The following PAICS variants were observed in gnomAD, a reference collection of about 807,000 sequenced individuals.
PAICS encodes phosphoribosylaminoimidazole carboxylase and phosphoribosylaminoimidazolesuccinocarboxamide synthase, also known as bifunctional phosphoribosylaminoimidazole carboxylase/phosphoribosylaminoimidazole succinocarboxamide synthetase.
A neutral mutation model predicts 53.7 loss-of-function variants in PAICS; 33 were observed. The ratio of observed to expected loss-of-function variants is 0.61; its 90% CI spans 0.47 to 0.82. The LOEUF (loss-of-function observed/expected upper bound fraction) is 0.82, where lower values mean the gene tolerates loss of function less well. PAICS is among the 40% of genes least tolerant of loss of function. The probability of loss-of-function intolerance (pLI) is 0.00; values close to 1 mark genes in which losing one functional copy is unlikely to be tolerated. For missense variants in PAICS, 394 were observed against 494.1 expected, an observed-to-expected ratio of 0.80 and a Z score of 1.92; for synonymous variants, 141 against 167.2, an observed-to-expected ratio of 0.84 and a Z score of 1.21.
chr4:56,411,862 AG>A, the PAICS span, among the ~76,000 whole-genome samples: 2 of 152,236 alleles, frequency 1.3e-5, no homozygotes, highest in Non-Finnish European at 2.9e-5. Flanking sequence ...AACTTAAGTT[AG>A]CTATTTTTCA....
rs1560660262 is a variant in PAICS at position 56,446,755 on chromosome 4, A to G, written c.275A>G (p.Glu92Gly). The stretch of plus-strand genomic sequence containing the variant: ...ACAGCTTTCATTGCACCGCAGTGTG[A>G]AATGATTCCAATTGAATGGGTTTGC... ...GETAFIAPQC[E>G]MIPIEWVCRR... The change falls in exon 3 of 9, where the codon GAA (glutamate) becomes GGA (glycine). Residue 92 changes from glutamate to glycine, a missense_variant. Coordinates refer to ENST00000512576, the MANE Select transcript of PAICS (RefSeq NM_001079524.2). 6.2e-7 allele frequency: 1 copy of G among 1,606,172 alleles called. No homozygotes were observed. Among genetic ancestry groups the G allele is most frequent in the East Asian group, 2.2e-5 (1 of 44,796 alleles).
intron 6 of PAICS, 37 bp downstream of exon 6, chr4:56,450,739 T>A: frequency 2.1e-6 from 2 of 968,886 alleles, no homozygotes; most frequent in Non-Finnish European, 1.6e-6. Context: ...GTATTATGTG[T>A]TTTTCTTCTA....
intron 5 of PAICS, among the ~76,000 whole-genome samples, chr4:56,450,103 T>C (rs1300176877): frequency 6.6e-6 from 1 of 151,954 alleles, no homozygotes; most frequent in Non-Finnish European, 1.5e-5. Context: ...TTCTCACTCA[T>C]AAGTGGGAGT....
At chr4:56,435,262 C>A (rs1717839576), upstream of PAICS, 6 of 1,576,032 alleles carry the variant, frequency 3.8e-6, no homozygotes, top group Non-Finnish European at 5.2e-6. Context: ...CCTCCCGGGC[C>A]CTCGGGCGCT....
chr4:56,441,627 T>G (rs1718345166), intron 1 of PAICS, 36 bp from the exon 2 acceptor site: 2 of 1,027,448 alleles, frequency 1.9e-6, no homozygotes, highest in Non-Finnish European at 2.8e-6. Context: ...TCAGGAAGTT[T>G]CTGAATTTTG....
In PAICS at chr4:56,458,329, G is replaced by A. The variant is rs111865601; in HGVS notation, c.1112-1043G>A. ...TTAAGCTATTCTTTTACCAGAAAGG[G>A]AGTCCTGGGCAGGAGGCACAGGTTA... is the stretch of plus-strand genomic sequence containing the variant. On this transcript the variant is annotated intron_variant, in intron 8 of 8. Transcript: ENST00000512576. Among the ~76,000 whole-genome samples, 272 of 151,822 alleles carry A rather than the reference G, an allele frequency of 1.8e-3. 10 individuals are homozygous for A. In the South Asian group the frequency reaches 0.038, roughly 21 times the overall value.
Position 56,442,168 on chromosome 4 carries a change from C to T in PAICS, c.214+308C>T, listed in dbSNP as rs116173318. On this transcript the variant is annotated intron_variant, in intron 2 of 8. Transcript: ENST00000512576. ...AAGGAATTTAACTATGAAGGAAACC[C>T]ATTTTAATGTTAAGCAGTTCTAACA... 6 of 231,436 alleles carry T rather than the reference C, an allele frequency of 2.6e-5. No individual in the cohort carries two copies. In the East Asian group the frequency reaches 4.5e-4, roughly 17 times the overall value. 14.3% of individuals were successfully genotyped at this position (231,436 alleles called of 1,614,324 possible). A position where few individuals can be genotyped will look rare whatever the true frequency, so the allele number is the denominator to read the frequency against.
At chr4:56,435,728 T>C (rs1469085763), upstream of PAICS, 5 of 1,468,612 alleles carry the variant, frequency 3.4e-6, no homozygotes, top group Non-Finnish European at 4.5e-6. Context: ...AGGGGCGGGG[T>C]CACGGATGCT....
chr4:56,457,522 G>A (rs139344620), intron 8 of PAICS, among the ~76,000 whole-genome samples: 55 of 152,264 alleles, frequency 3.6e-4, no homozygotes, highest in African/African-American at 1.2e-3. Context: ...CTTAGACTTC[G>A]AGTCAGTCAT....
intron 1 of PAICS, among the ~76,000 whole-genome samples, chr4:56,440,021 C>G (rs759937483): frequency 4.6e-5 from 7 of 152,208 alleles, no homozygotes; most frequent in Non-Finnish European, 1.5e-5. Flanking sequence ...ATTGTCCATA[C>G]AGAAGCCGTA....
chr4:56,437,618 C>T (rs1177049357), intron 1 of PAICS, among the ~76,000 whole-genome samples: 5 of 151,654 alleles, frequency 3.3e-5, no homozygotes, highest in Admixed American at 3.3e-4. Flanking sequence ...GTCAGGAGAT[C>T]GAGATCATCC....
chr4:56,440,049 C>A (rs1344656270), intron 1 of PAICS, among the ~76,000 whole-genome samples: 1 of 152,190 alleles, frequency 6.6e-6, no homozygotes, highest in Non-Finnish European at 1.5e-5. Context: ...TTCCAAATAG[C>A]GTTTTGCTTT....
At chr4:56,435,681 AC>A (rs1717875841), upstream of PAICS, 6 of 1,448,272 alleles carry the variant, frequency 4.1e-6, no homozygotes, top group African/African-American at 5.6e-5. Context: ...CTCCGAGTCC[AC>A]CAACGAGCGA....
upstream of PAICS, among the ~76,000 whole-genome samples, chr4:56,433,771 T>C (rs1480037259): frequency 6.6e-6 from 1 of 151,980 alleles, no homozygotes; most frequent in Non-Finnish European, 1.5e-5. Flanking sequence ...CTCTGCTCTC[T>C]GGAACCTAAG....
rs1004190114 is a variant in PAICS at position 56,460,444 on chromosome 4, G to A, written c.*906G>A. 1.3e-5 allele frequency: 2 copies of A among 152,104 alleles called. No individual in the cohort carries two copies. Among genetic ancestry groups the A allele is most frequent in the African/African-American group, 4.8e-5 (2 of 41,418 alleles). The allele number at this position is 152,104 out of a possible 1,614,324, so 9.4% of individuals were successfully genotyped here. On this transcript the variant is annotated 3_prime_UTR_variant, in exon 9 of 9. Transcript: ENST00000512576. Reference sequence around the variant, plus strand: ...CATCCTCTGTACAAAAGCCTCAAGTGAGGGTCAAATTCAACATTATCCTGA... The same window carrying A: ...CATCCTCTGTACAAAAGCCTCAAGTAAGGGTCAAATTCAACATTATCCTGA...
At chr4:56,454,479 A>G (rs2110096579) in intron 8 of PAICS, among the ~76,000 whole-genome samples, 1 of 152,318 alleles carries the variant, frequency 6.6e-6, no homozygotes, top group East Asian at 1.9e-4. Flanking sequence ...CCTAAGAAAG[A>G]CTAGTGGTAG....
chr4:56,425,383 TAGAG>T, the PAICS span: 6 of 840,500 alleles, frequency 7.1e-6, no homozygotes, highest in South Asian at 5.5e-5. Context: ...TACATCCAGA[TAGAG>T]AAGAACTTAT....
At chr4:56,441,565 A>AT (rs1289235014) in intron 1 of PAICS, 98 bp from the exon 2 acceptor site, 1 of 477,426 alleles carries the variant, frequency 2.1e-6, no homozygotes, top group Non-Finnish European at 3.7e-6. Flanking sequence ...AATATTACTT[A>AT]ATCACTGTAT....
Position 56,459,542 on chromosome 4 carries a change from A to G in PAICS, c.*4A>G, listed in dbSNP as rs753412614. Reference sequence around the variant, plus strand: ...AATCAGAGAATGTAATTTATAAGAAAGAATGCCATTGAATTTTTTAGGGGA... The same window carrying G: ...AATCAGAGAATGTAATTTATAAGAAGGAATGCCATTGAATTTTTTAGGGGA... On this transcript the variant is annotated 3_prime_UTR_variant, in exon 9 of 9. Coordinates refer to ENST00000512576, the MANE Select transcript of PAICS (RefSeq NM_001079524.2). The G allele has an allele frequency of 1.0e-5, 16 of 1,538,432 alleles. No homozygotes were observed. Among genetic ancestry groups the G allele is most frequent in the Non-Finnish European group, 1.3e-5 (15 of 1,132,958 alleles).
Sources: allele counts gnomAD v4.1 joint callset (sites outside exome capture counted in the v4.1 genomes callset), GRCh38; gene constraint gnomAD v4.1.1; transcripts MANE v1.5; gene names NCBI Gene and HGNC (gene_info 2026-07-23, HGNC 2026-07-21).